The following PIK3CD variants were observed in gnomAD, a reference collection of about 807,000 sequenced individuals.
PIK3CD encodes the protein phosphatidylinositol 4,5-bisphosphate 3-kinase catalytic subunit delta isoform.
A neutral mutation model predicts 122.9 loss-of-function variants in PIK3CD; 20 were observed. The ratio of observed to expected loss-of-function variants is 0.16; its 90% CI spans 0.11 to 0.24. The LOEUF (loss-of-function observed/expected upper bound fraction) is 0.24. Ranked by LOEUF, PIK3CD falls within the 10% of genes least tolerant of loss-of-function variation. PIK3CD has a pLI of 1.00. For missense variants in PIK3CD, 787 were observed against 1,406.3 expected, an observed-to-expected ratio of 0.56 and a Z score of 7.04; for synonymous variants, 596 against 593.4, an observed-to-expected ratio of 1.00 and a Z score of -0.06.
chr1:9,705,774 C>T (rs1208953535), intron 2 of PIK3CD, among the ~76,000 whole-genome samples: 1 of 152,162 alleles, frequency 6.6e-6, no homozygotes, highest in South Asian at 2.1e-4. Context: ...GAGATAATTT[C>T]ATTCACATCA....
upstream of PIK3CD, chr1:9,651,726 G>A (rs1302192334): frequency 6.6e-6 from 1 of 152,038 alleles, no homozygotes; most frequent in Non-Finnish European, 1.5e-5. Context: ...CCTCCCTCGA[G>A]GCTCACTCGC....
chr1:9,666,520 C>G (rs1645165408), intron 1 of PIK3CD, among the ~76,000 whole-genome samples: 1 of 151,874 alleles, frequency 6.6e-6, no homozygotes, highest in African/African-American at 2.4e-5. Context: ...GTATGAGCCA[C>G]CATGCCTGGC....
chr1:9,667,809 T>A (rs1645206047), intron 1 of PIK3CD, among the ~76,000 whole-genome samples: 1 of 150,320 alleles, frequency 6.7e-6, no homozygotes, highest in African/African-American at 2.4e-5. Flanking sequence ...CAATCACAGC[T>A]TATTGCAGCC....
At chr1:9,647,604 A>G (rs1246097825), upstream of PIK3CD, among the ~76,000 whole-genome samples, 1 of 151,490 alleles carries the variant, frequency 6.6e-6, no homozygotes, top group Non-Finnish European at 1.5e-5. Flanking sequence ...TCTGGGCTCA[A>G]GGGATCCTCC....
At chr1:9,682,269 CAG>C (rs1645783683) in intron 1 of PIK3CD, among the ~76,000 whole-genome samples, 1 of 152,144 alleles carries the variant, frequency 6.6e-6, no homozygotes, top group Admixed American at 6.6e-5. Flanking sequence ...TTATTTGAGA[CAG>C]AGTTTCACTC....
At chr1:9,674,603 T>C (rs545511172) in intron 1 of PIK3CD, among the ~76,000 whole-genome samples, 5 of 150,642 alleles carry the variant, frequency 3.3e-5, no homozygotes, top group African/African-American at 7.4e-5. Context: ...GACAGGAGAA[T>C]TGCTTGAACC....
At chr1:9,666,396 G>A (rs1645161443) in intron 1 of PIK3CD, among the ~76,000 whole-genome samples, 1 of 149,532 alleles carries the variant, frequency 6.7e-6, no homozygotes, top group Admixed American at 6.7e-5. Context: ...CACCCACCAG[G>A]CTAATTTTTG....
At chr1:9,659,571 G>GCTGTCT (rs1486097087) in intron 1 of PIK3CD, among the ~76,000 whole-genome samples, 3 of 152,054 alleles carry the variant, frequency 2.0e-5, no homozygotes, top group African/African-American at 7.2e-5. Flanking sequence ...CAGCCATTCT[G>GCTGTCT]CTGTCTCTGT....
chr1:9,709,728 T>TG (rs1646976348), intron 2 of PIK3CD, among the ~76,000 whole-genome samples: 1 of 151,772 alleles, frequency 6.6e-6, no homozygotes, highest in African/African-American at 2.4e-5. Flanking sequence ...ATTTCACAGC[T>TG]GGGTATGGTG....
intron 1 of PIK3CD, among the ~76,000 whole-genome samples, chr1:9,656,006 C>A (rs978086660): frequency 6.6e-6 from 1 of 152,162 alleles, no homozygotes; most frequent in Non-Finnish European, 1.5e-5. Flanking sequence ...CTTCCTATTA[C>A]ATTCTGAGCA....
chr1:9,664,557 G>A (rs181855936), intron 1 of PIK3CD, among the ~76,000 whole-genome samples: 20 of 152,250 alleles, frequency 1.3e-4, no homozygotes, highest in South Asian at 6.2e-4. Flanking sequence ...CATGCAATTC[G>A]ACCCTTAGAG....
intron 1 of PIK3CD, among the ~76,000 whole-genome samples, chr1:9,665,448 G>A (rs1048137221): frequency 7.3e-5 from 11 of 150,732 alleles, no homozygotes; most frequent in Non-Finnish European, 4.4e-5. Context: ...GAGATGGGGA[G>A]CGCTCACAAG....
chr1:9,655,962 G>A lies in PIK3CD; in HGVS notation c.-138+4160G>A, dbSNP rs573547397. 3.3e-4 allele frequency among the ~76,000 whole-genome samples: 50 copies of A among 152,256 alleles called. No homozygotes were observed. In the East Asian group the frequency reaches 6.0e-3, roughly 18 times the overall value. Reference sequence around the variant, plus strand: ...TCTGCCCACCTTGGCCTCCCAGAGCGCTAGGATTAAAGGCGTGAGCCACCA... The same window carrying A: ...TCTGCCCACCTTGGCCTCCCAGAGCACTAGGATTAAAGGCGTGAGCCACCA... On this transcript the variant is annotated intron_variant, in intron 1 of 23. Transcript: ENST00000377346.
rs1220548563 is a variant in PIK3CD, at chr1:9,715,379, C to T, written c.142-162C>T. 2.0e-5 allele frequency among the ~76,000 whole-genome samples: 3 copies of T among 152,190 alleles called. No individual in the cohort carries two copies. The highest frequency in any genetic ancestry group is 4.4e-5 in the Non-Finnish European group (3 of 68,032). On this transcript the variant is annotated intron_variant, in intron 3 of 23. Transcript: ENST00000377346. This position sits in a 1 kb window ranked among gnomAD's most constrained non-coding sequence, Gnocchi z 4.1. The stretch of plus-strand genomic sequence containing the variant: ...GTGGAGAAGCCTGTCCACCCATGGT[C>T]AGCACCCAGGGGGCTGCAGAGAGTG...
At chr1:9,660,349 A>G in intron 1 of PIK3CD, among the ~76,000 whole-genome samples, 1 of 152,192 alleles carries the variant, frequency 6.6e-6, no homozygotes, top group East Asian at 1.9e-4. Flanking sequence ...TCTCTCAGGT[A>G]TATACCCAAA....
In PIK3CD at chr1:9,728,928, CT is replaced by C. The variant is rs1225138941; in HGVS notation, c.*1887del. On this transcript the variant is annotated 3_prime_UTR_variant, in exon 24 of 24. Coordinates refer to ENST00000377346, the MANE Select transcript of PIK3CD (RefSeq NM_005026.5). ...AGGCAGATGAAAAGAAAGAAAAAGCCTTTTTATGTTCTTTTATGTTCTCGGC... is the reference window on the plus strand; with the variant it reads ...AGGCAGATGAAAAGAAAGAAAAAGCCTTTTATGTTCTTTTATGTTCTCGGC... 2 of 152,126 alleles carry C rather than the reference CT, an allele frequency of 1.3e-5. No homozygotes were observed. Among genetic ancestry groups the C allele is most frequent in the Non-Finnish European group, 2.9e-5 (2 of 68,042 alleles). The allele number at this position is 152,126 out of a possible 1,614,324, so 9.4% of individuals were successfully genotyped here.
chr1:9,666,072 G>A (rs1041904408), intron 1 of PIK3CD, among the ~76,000 whole-genome samples: 7 of 150,622 alleles, frequency 4.6e-5, no homozygotes, highest in Admixed American at 1.3e-4. Context: ...GATTACAGGC[G>A]CCCGCCATCA....
rs373261646 is a variant in PIK3CD at position 9,727,687 on chromosome 1, G to A, written c.*641G>A. 22 of 216,162 alleles carry A rather than the reference G, an allele frequency of 1.0e-4. No homozygotes were observed. Among genetic ancestry groups the A allele is most frequent in the African/African-American group, 4.8e-4 (21 of 44,084 alleles). The allele number at this position is 216,162 out of a possible 1,614,324, so 13.4% of individuals were successfully genotyped here. A position where few individuals can be genotyped will look rare whatever the true frequency, so the allele number is the denominator to read the frequency against. The stretch of plus-strand genomic sequence containing the variant: ...GGGAGATCAGGCCCAGCCCCATAAA[G>A]GAGAATCTACGCTGGTCCTCAGGAC... On this transcript the variant is annotated 3_prime_UTR_variant, in exon 24 of 24. Transcript: ENST00000377346.
upstream of PIK3CD, among the ~76,000 whole-genome samples, chr1:9,647,481 A>AATTATTATTATTATTATTATTATT (rs61118085): frequency 7.2e-6 from 1 of 139,450 alleles, no homozygotes; most frequent in Non-Finnish European, 1.5e-5. Flanking sequence ...TCATGATTCT[A>AATTATTATTATTATTATTATTATT]ATTATTATTA....
Sources: gnomAD v4.1 joint callset for allele counts (sites outside exome capture counted in the v4.1 genomes callset) on GRCh38, gnomAD v4.1.1 for gene constraint, Gnocchi (gnomAD v3.1) non-coding constraint, MANE v1.5 for transcripts, NCBI Gene and HGNC (gene_info 2026-07-23, HGNC 2026-07-21) for gene names.